TLR6: variants seen among roughly 807,000 people sequenced by gnomAD.
TLR6 encodes toll-like receptor 6.
In TLR6, 9 loss-of-function variants were observed where a neutral mutation model predicts 16.1. That is an observed-to-expected ratio of 0.56 (90% CI 0.34 to 0.98). TLR6 has a LOEUF of 0.98. TLR6 is among the 50% of genes least tolerant of loss of function. The pLI is 0.02. For missense variants in TLR6, 786 were observed against 921.0 expected, an observed-to-expected ratio of 0.85 and a Z score of 1.90; for synonymous variants, 340 against 338.6, an observed-to-expected ratio of 1.00 and a Z score of -0.04.
chr4:38,827,161 C>T (rs939674615), exon 2 of TLR6: 3 of 1,614,126 alleles, frequency 1.9e-6, no homozygotes, highest in Non-Finnish European at 2.5e-6. Context: ...CCCAAAAGAG[C>T]CCACGTTTGC....
rs1301203635 is a variant in TLR6, at chr4:38,838,959, A to AG, written c.-64-9423dup. 5.8e-3 allele frequency among the ~76,000 whole-genome samples: 689 copies of AG among 118,986 alleles called. 12 individuals are homozygous for AG. The highest frequency in any genetic ancestry group is 0.027 in the African/African-American group (635 of 23,138). The allele number at this position is 118,986 out of a possible 152,430, so 78.1% of individuals were successfully genotyped here. The stretch of plus-strand genomic sequence containing the variant: ...AAGGAAGGAAGGGAGGAAGGAAGGA[A>AG]GGAAGGGGAGGAAGGAAAGAAAGGA... On this transcript the variant is annotated intron_variant, in intron 1 of 1. Transcript: ENST00000436693.
chr4:38,850,901 A>G (rs544305563), intron 1 of TLR6, among the ~76,000 whole-genome samples: 1 of 152,304 alleles, frequency 6.6e-6, no homozygotes, highest in East Asian at 1.9e-4. Context: ...TCATCCTGAT[A>G]CCAAAGCCTG....
At chr4:38,868,108 C>T in the TLR6 span, 1 of 274,902 alleles carries the variant, frequency 3.6e-6, no homozygotes, top group Admixed American at 3.9e-5. Context: ...CATGCACACA[C>T]CCACACGCCC....
the TLR6 span, among the ~76,000 whole-genome samples, chr4:38,866,082 C>T: frequency 6.6e-6 from 1 of 150,628 alleles, no homozygotes; most frequent in African/African-American, 2.4e-5. Flanking sequence ...GAGATGGTGC[C>T]ACTGCACTGC....
chr4:38,826,742 T>C (rs1427994085), exon 2 of TLR6: 1 of 181,660 alleles, frequency 5.5e-6, no homozygotes, highest in East Asian at 1.4e-4. Context: ...GATGCTGAAG[T>C]TGACTGTTCC....
chr4:38,834,546 A>C (rs916203159), intron 1 of TLR6, among the ~76,000 whole-genome samples: 1 of 152,180 alleles, frequency 6.6e-6, no homozygotes, highest in Non-Finnish European at 1.5e-5. Context: ...AAGCTTAAAA[A>C]TTCCCAAGTA....
the TLR6 span, chr4:38,867,732 C>T: frequency 6.6e-6 from 1 of 151,046 alleles, no homozygotes; most frequent in Non-Finnish European, 1.5e-5. Context: ...GGGCGGGGCC[C>T]CCTCTCCAGC....
exon 2 of TLR6, chr4:38,825,234 G>A (rs1398131849): frequency 6.6e-6 from 1 of 152,144 alleles, no homozygotes; most frequent in Non-Finnish European, 1.5e-5. Context: ...AAATTTTAGT[G>A]ACAAATCTCA....
At chr4:38,856,309 C>A (rs889688549) in intron 1 of TLR6, among the ~76,000 whole-genome samples, 8 of 152,172 alleles carry the variant, frequency 5.3e-5, no homozygotes, top group Non-Finnish European at 1.0e-4. Flanking sequence ...TAGGGACAGA[C>A]ACAGACCAGC....
At chr4:38,837,569 C>T (rs1234366032) in intron 1 of TLR6, among the ~76,000 whole-genome samples, 1 of 152,158 alleles carries the variant, frequency 6.6e-6, no homozygotes, top group Non-Finnish European at 1.5e-5. Context: ...AACTAGACCC[C>T]TATCTCTCAC....
At chr4:38,859,667 C>T (rs924015665), upstream of TLR6, among the ~76,000 whole-genome samples, 1 of 149,184 alleles carries the variant, frequency 6.7e-6, no homozygotes, top group Non-Finnish European at 1.5e-5. Flanking sequence ...CCCACTCAGG[C>T]GATTCTCCCA....
chr4:38,828,218 C>T, exon 2 of TLR6: 1 of 1,613,528 alleles, frequency 6.2e-7, no homozygotes. Flanking sequence ...TTCTTTATGT[C>T]TACCAGATTC....
chr4:38,862,603 T>TC, the TLR6 span, among the ~76,000 whole-genome samples: 1 of 144,122 alleles, frequency 6.9e-6, no homozygotes, highest in East Asian at 2.1e-4. Context: ...TTTTTTTTTT[T>TC]TTTTTTTTTT....
intron 1 of TLR6, among the ~76,000 whole-genome samples, chr4:38,845,909 T>C (rs1712505992): frequency 6.6e-6 from 1 of 151,826 alleles, no homozygotes; most frequent in Non-Finnish European, 1.5e-5. Flanking sequence ...CTGGCCAACA[T>C]GGTGAAACCC....
chr4:38,847,588 T>C (rs903538523), intron 1 of TLR6, among the ~76,000 whole-genome samples: 4 of 152,196 alleles, frequency 2.6e-5, no homozygotes, highest in African/African-American at 9.6e-5. Context: ...CCCACCCTAA[T>C]ACCGTGCTTT....
At chr4:38,848,261 T>C (rs1712619768) in intron 1 of TLR6, among the ~76,000 whole-genome samples, 1 of 152,056 alleles carries the variant, frequency 6.6e-6, no homozygotes, top group Admixed American at 6.6e-5. Flanking sequence ...AGAAAGGACA[T>C]CCACACCAAA....
upstream of TLR6, among the ~76,000 whole-genome samples, chr4:38,861,331 C>T (rs1713189947): frequency 6.6e-6 from 1 of 152,084 alleles, no homozygotes. Context: ...GTCCTGCACC[C>T]TACCTCAGTC....
chr4:38,853,293 T>C (rs1349051572), intron 1 of TLR6, among the ~76,000 whole-genome samples: 1 of 150,708 alleles, frequency 6.6e-6, no homozygotes, highest in Non-Finnish European at 1.5e-5. Context: ...GACGAGTTAA[T>C]GGGTGCAGCA....
intron 1 of TLR6, among the ~76,000 whole-genome samples, chr4:38,839,241 T>A (rs1412574849): frequency 6.6e-6 from 1 of 151,366 alleles, no homozygotes; most frequent in Non-Finnish European, 1.5e-5. Flanking sequence ...TATATGATAT[T>A]CCAGGAAAGG....
Sources: allele counts gnomAD v4.1 joint callset (sites outside exome capture counted in the v4.1 genomes callset), GRCh38; gene constraint gnomAD v4.1.1; transcripts MANE v1.5; gene names NCBI Gene and HGNC (gene_info 2026-07-23, HGNC 2026-07-21).